BARX2: variants seen among roughly 807,000 people sequenced by gnomAD.
BARX2 encodes the protein BARX homeobox 2.
BARX2 carries 11 observed loss-of-function variants against 25.5 expected under a neutral mutation model. That is an observed-to-expected ratio of 0.43 (90% CI 0.27 to 0.71). The LOEUF (loss-of-function observed/expected upper bound fraction) is 0.71. BARX2 is among the 30% of genes least tolerant of loss of function. The probability of loss-of-function intolerance (pLI) is 0.19; values close to 1 mark genes in which losing one functional copy is unlikely to be tolerated. For synonymous variants in BARX2, 137 were observed against 149.5 expected (o/e 0.92, Z 0.61); for missense variants, 360 against 359.9 (o/e 1.00, Z 0.00).
chr11:129,391,703 C>A (rs558994812), intron 1 of BARX2, among the ~76,000 whole-genome samples: 1 of 152,142 alleles, frequency 6.6e-6, no homozygotes, highest in African/African-American at 2.4e-5. Context: ...GATAAATTTC[C>A]AGACCTTTCT....
intron 1 of BARX2, among the ~76,000 whole-genome samples, chr11:129,400,164 G>A: frequency 6.6e-6 from 1 of 152,172 alleles, no homozygotes; most frequent in Non-Finnish European, 1.5e-5. Flanking sequence ...AACATTCGTT[G>A]AGTGCTTACT....
At chr11:129,406,856 G>T (rs546996179) in intron 1 of BARX2, among the ~76,000 whole-genome samples, 145 of 152,288 alleles carry the variant, frequency 9.5e-4, no homozygotes, top group South Asian at 2.1e-3. Context: ...AGTAATTAAA[G>T]AACTGGTTTT....
chr11:129,443,618 C>T (rs1353270442), intron 3 of BARX2, among the ~76,000 whole-genome samples: 2 of 152,194 alleles, frequency 1.3e-5, no homozygotes, highest in East Asian at 3.9e-4. Flanking sequence ...ATGATGACCA[C>T]AGTTTCCATC....
At chr11:129,429,976 T>C (rs11828252) in intron 1 of BARX2, among the ~76,000 whole-genome samples, 65,570 of 152,028 alleles carry the variant, frequency 0.43, 15,925 homozygotes, top group African/African-American at 0.66. Context: ...CTCTCTGGTC[T>C]TCGTGGTTTT....
intron 1 of BARX2, among the ~76,000 whole-genome samples, chr11:129,434,541 A>C (rs1011886146): frequency 2.6e-5 from 4 of 151,038 alleles, no homozygotes; most frequent in African/African-American, 9.7e-5. Flanking sequence ...CTGAGCCACC[A>C]CACCTGAACT....
intron 1 of BARX2, among the ~76,000 whole-genome samples, chr11:129,432,586 A>C (rs1862141579): frequency 6.6e-6 from 1 of 152,186 alleles, no homozygotes; most frequent in Non-Finnish European, 1.5e-5. Flanking sequence ...AACTAAACAC[A>C]TTTTATACTC....
chr11:129,380,632 G>A (rs1493547), intron 1 of BARX2, among the ~76,000 whole-genome samples: 230 of 152,108 alleles, frequency 1.5e-3, no homozygotes, highest in African/African-American at 5.4e-3. Flanking sequence ...TAGGCTTTTA[G>A]TAGCAATTAC....
chr11:129,427,103 G>A (rs566794390), intron 1 of BARX2, among the ~76,000 whole-genome samples: 21 of 152,220 alleles, frequency 1.4e-4, no homozygotes, highest in Non-Finnish European at 2.9e-4. Flanking sequence ...ACTTTAATTT[G>A]GCTCAATCAC....
At chr11:129,377,888 GA>G (rs1261466289) in intron 1 of BARX2, among the ~76,000 whole-genome samples, 1 of 152,226 alleles carries the variant, frequency 6.6e-6, no homozygotes, top group Non-Finnish European at 1.5e-5. Flanking sequence ...AGGAGTCACA[GA>G]ATTGGATCAT....
chr11:129,451,510 A>AAC lies in BARX2; in HGVS notation c.*108_*109insAC. On this transcript the variant is annotated 3_prime_UTR_variant, in exon 4 of 4. Coordinates refer to ENST00000281437, the MANE Select transcript of BARX2 (RefSeq NM_003658.5). Reference sequence around the variant, plus strand: ...CAGCAGCCCAGTAAACTGCGGGCGAAGAGATCTACCCGTCTCCCTCCCTCC... The same window carrying AAC: ...CAGCAGCCCAGTAAACTGCGGGCGAAACGAGATCTACCCGTCTCCCTCCCTCC... 7.8e-7 allele frequency: 1 copy of AAC among 1,286,968 alleles called. No individual in the cohort carries two copies. Among genetic ancestry groups the AAC allele is most frequent in the Admixed American group, 2.5e-5 (1 of 39,712 alleles). 79.7% of individuals were successfully genotyped at this position (1,286,968 alleles called of 1,614,324 possible).
At chr11:129,427,002 A>G (rs914658085) in intron 1 of BARX2, among the ~76,000 whole-genome samples, 2 of 152,180 alleles carry the variant, frequency 1.3e-5, no homozygotes, top group African/African-American at 4.8e-5. Flanking sequence ...CTACTGCTGA[A>G]TCTTGCTTTG....
At chr11:129,417,347 G>C (rs1434566252) in intron 1 of BARX2, among the ~76,000 whole-genome samples, 1 of 152,168 alleles carries the variant, frequency 6.6e-6, no homozygotes, top group African/African-American at 2.4e-5. Context: ...CCAGGACAGG[G>C]AGGCCACGTC....
At chr11:129,395,944 C>A (rs1284932387) in intron 1 of BARX2, among the ~76,000 whole-genome samples, 1 of 152,032 alleles carries the variant, frequency 6.6e-6, no homozygotes, top group Non-Finnish European at 1.5e-5. Context: ...AAGATTTCAC[C>A]TCTGAAAAAT....
intron 1 of BARX2, among the ~76,000 whole-genome samples, chr11:129,411,387 A>C (rs1861885571): frequency 6.6e-6 from 1 of 151,648 alleles, no homozygotes; most frequent in Non-Finnish European, 1.5e-5. Flanking sequence ...AAAAAAAAAA[A>C]AAAAGAATTA....
intron 1 of BARX2, among the ~76,000 whole-genome samples, chr11:129,378,489 T>C (rs1861526843): frequency 6.6e-6 from 1 of 151,988 alleles, no homozygotes; most frequent in Non-Finnish European, 1.5e-5. Context: ...TTTTTTCTTA[T>C]TAATTAAAAA....
rs147520802 is a variant in BARX2 at position 129,444,288 on chromosome 11, G to A, written c.573+1369G>A. Among the ~76,000 whole-genome samples, 1,498 of 152,020 alleles carry A rather than the reference G, an allele frequency of 9.9e-3. 14 individuals carry two copies. The highest frequency in any genetic ancestry group is 0.015 in the Non-Finnish European group (993 of 67,972). On this transcript the variant is annotated intron_variant, in intron 3 of 3. Coordinates refer to ENST00000281437, the MANE Select transcript of BARX2 (RefSeq NM_003658.5). ...ATCAATGGGAAAAATTAGGAAAAAA[G>A]TCAACAAGCAGCAATTATTATATTC...
intron 3 of BARX2, among the ~76,000 whole-genome samples, chr11:129,450,532 A>C (rs1862384693): frequency 6.6e-6 from 1 of 152,228 alleles, no homozygotes; most frequent in Admixed American, 6.5e-5. Flanking sequence ...GGGATTTACT[A>C]TAATTCTACC....
intron 1 of BARX2, among the ~76,000 whole-genome samples, chr11:129,412,008 C>G (rs1376810225): frequency 6.6e-6 from 1 of 152,164 alleles, no homozygotes. Context: ...CACGGTGGCT[C>G]ACACCTGTAA....
intron 1 of BARX2, among the ~76,000 whole-genome samples, chr11:129,435,818 G>A (rs1361852123): frequency 2.6e-5 from 4 of 152,200 alleles, no homozygotes; most frequent in Admixed American, 6.5e-5. Context: ...GAACTTTACA[G>A]ATTTAACAGA....
Sources: allele counts gnomAD v4.1 joint callset (sites outside exome capture counted in the v4.1 genomes callset), GRCh38; gene constraint gnomAD v4.1.1; transcripts MANE v1.5; gene names NCBI Gene and HGNC (gene_info 2026-07-23, HGNC 2026-07-21).